The following SPATA13 variants were observed in gnomAD, a reference collection of about 807,000 sequenced individuals.
SPATA13 encodes the protein spermatogenesis associated 13.
A neutral mutation model predicts 104.0 loss-of-function variants in SPATA13; 50 were observed. The ratio of observed to expected loss-of-function variants is 0.48; its 90% CI spans 0.38 to 0.61. The LOEUF is 0.61. Ranked by LOEUF, SPATA13 falls within the 20% of genes least tolerant of loss-of-function variation. The pLI is 0.00. For missense variants in SPATA13, 1,524 were observed against 1,690.6 expected (o/e 0.90, Z 1.73); for synonymous variants, 606 against 667.5 (o/e 0.91, Z 1.42).
At chr13:24,190,882 G>C (rs1869694869) in intron 1 of SPATA13, among the ~76,000 whole-genome samples, 1 of 152,146 alleles carries the variant, frequency 6.6e-6, no homozygotes, top group Admixed American at 6.5e-5. Context: ...TGGGTAAAAT[G>C]CTATCAAACA....
chr13:24,009,948 C>A (rs1452878925), intron 2 of SPATA13, among the ~76,000 whole-genome samples: 1 of 152,112 alleles, frequency 6.6e-6, no homozygotes, highest in Non-Finnish European at 1.5e-5. Context: ...GGGGGGCTTA[C>A]AATTTTATTT....
chr13:24,153,241 A>G (rs1882157041), intron 3 of SPATA13, among the ~76,000 whole-genome samples: 1 of 152,184 alleles, frequency 6.6e-6, no homozygotes, highest in Non-Finnish European at 1.5e-5. Flanking sequence ...AGGGTTTCCA[A>G]TAGGCCCTGG....
chr13:24,056,995 GCTGTTTTCTTTCTCTCTCT>G (rs1878574059), intron 3 of SPATA13, among the ~76,000 whole-genome samples: 1 of 72,128 alleles, frequency 1.4e-5, no homozygotes, highest in Non-Finnish European at 2.7e-5. Context: ...CACATCTGTG[GCTGTTTTCTTTCTCTCTCT>G]CTCTCTCTCT....
intron 2 of SPATA13, among the ~76,000 whole-genome samples, chr13:24,236,230 A>G (rs1002125020): frequency 7.2e-5 from 11 of 152,318 alleles, no homozygotes; most frequent in East Asian, 3.9e-4. Context: ...AATTAAATGC[A>G]TCTACTTCAG....
intron 1 of SPATA13, among the ~76,000 whole-genome samples, chr13:23,980,360 G>T (rs1229284237): frequency 6.6e-6 from 1 of 152,194 alleles, no homozygotes; most frequent in African/African-American, 2.4e-5. Flanking sequence ...AGGAGCCGCG[G>T]GGGAGGCCGA....
Position 24,174,219 on chromosome 13 carries a change from G to A in SPATA13, c.-112+13287G>A, listed in dbSNP as rs187071515. ...GTTTTTAAAGAAAGCGGTCCATTTT[G>A]TTGAAGTTGTCAAGTTGGTGTGTGT... On this transcript the variant is annotated intron_variant, in intron 1 of 12. Coordinates refer to ENST00000382108, the MANE Select transcript of SPATA13 (RefSeq NM_001166271.3). Among the ~76,000 whole-genome samples the A allele has an allele frequency of 1.1e-4, 16 of 152,270 alleles. 1 individual carries two copies. Among genetic ancestry groups the A allele is most frequent in the Admixed American group, 3.3e-4 (5 of 15,298 alleles).
At chr13:24,255,644 A>G (rs1873751971) in intron 4 of SPATA13, among the ~76,000 whole-genome samples, 1 of 152,248 alleles carries the variant, frequency 6.6e-6, no homozygotes, top group African/African-American at 2.4e-5. Flanking sequence ...TAGAGAGATT[A>G]GCAGTACATT....
chr13:24,026,008 T>A (rs1877196459), intron 3 of SPATA13, among the ~76,000 whole-genome samples: 1 of 152,148 alleles, frequency 6.6e-6, no homozygotes, highest in East Asian at 1.9e-4. Flanking sequence ...TTTCACCATG[T>A]TGGTCTGGCT....
chr13:24,170,468 G>A (rs1882923991), intron 1 of SPATA13, among the ~76,000 whole-genome samples: 1 of 152,194 alleles, frequency 6.6e-6, no homozygotes. Flanking sequence ...ATTCTGGGAT[G>A]AGGAATCTCT....
chr13:24,070,091 G>A (rs189405903), intron 3 of SPATA13, among the ~76,000 whole-genome samples: 9 of 152,292 alleles, frequency 5.9e-5, no homozygotes, highest in Admixed American at 5.9e-4. Context: ...TAGCTTGGAC[G>A]GTGTTTCACA....
At chr13:24,090,410 A>C (rs1190028555) in intron 3 of SPATA13, among the ~76,000 whole-genome samples, 1 of 152,000 alleles carries the variant, frequency 6.6e-6, no homozygotes, top group African/African-American at 2.4e-5. Context: ...CCCCGCAAAC[A>C]CCTCAAACAC....
At chr13:24,045,759 G>T (rs1878119970) in intron 3 of SPATA13, among the ~76,000 whole-genome samples, 1 of 152,072 alleles carries the variant, frequency 6.6e-6, no homozygotes, top group South Asian at 2.1e-4. Context: ...AGAGACACAG[G>T]CTGAGCCACA....
chr13:24,154,137 C>A lies in SPATA13; in HGVS notation c.-111-68682C>A, dbSNP rs191593381. On this transcript the variant is annotated intron_variant, in intron 3 of 14. Coordinates refer to the SPATA13 transcript ENST00000424834. The stretch of plus-strand genomic sequence containing the variant: ...GATACAAGCATTTTGAAAAAAAAAG[C>A]TTGGCCGTAGCTACAGAAGGTAAAC... Among the ~76,000 whole-genome samples, 9 of 150,918 alleles carry A rather than the reference C, an allele frequency of 6.0e-5. No individual in the cohort carries two copies. The East Asian group carries it at 1.8e-3, about 30-fold the overall frequency.
rs1877599056 is a variant in SPATA13, at chr13:24,306,703, T to C, written c.*3930T>C. 6.6e-6 allele frequency: 1 copy of C among 152,258 alleles called. No individual in the cohort carries two copies. Among genetic ancestry groups the C allele is most frequent in the Non-Finnish European group, 1.5e-5 (1 of 68,044 alleles). 9.4% of individuals were successfully genotyped at this position (152,258 alleles called of 1,614,324 possible). A position where few individuals can be genotyped will look rare whatever the true frequency, so the allele number is the denominator to read the frequency against. On this transcript the variant is annotated 3_prime_UTR_variant, in exon 13 of 13. Coordinates refer to ENST00000382108, the MANE Select transcript of SPATA13 (RefSeq NM_001166271.3). ...CTACAACATACTTTACATTGTTGCC[T>C]TTAGTTATCTCACAGGCACTGACAT...
chr13:24,108,889 T>C lies in SPATA13; in HGVS notation c.-112+91188T>C, dbSNP rs2137810438. ...ACCTAGTAACACATTTGTATTTGCT[T>C]TGTCTTCCAGAAATGTTTAAAAATC... On this transcript the variant is annotated intron_variant, in intron 3 of 14. Transcript: ENST00000424834. 1.3e-5 allele frequency among the ~76,000 whole-genome samples: 2 copies of C among 152,282 alleles called. 1 individual carries two copies. The highest frequency in any genetic ancestry group is 4.2e-4 in the South Asian group (2 of 4,818).
chr13:24,164,180 T>G (rs541419530), intron 1 of SPATA13, among the ~76,000 whole-genome samples: 1 of 152,338 alleles, frequency 6.6e-6, no homozygotes, highest in East Asian at 1.9e-4. Context: ...AGAAATGCAT[T>G]GGTACAAAGT....
chr13:24,140,025 T>C (rs548844374), intron 3 of SPATA13, among the ~76,000 whole-genome samples: 90 of 148,116 alleles, frequency 6.1e-4, no homozygotes, highest in African/African-American at 2.0e-3. Flanking sequence ...GCCAAGGTCG[T>C]GCCACTGCAC....
chr13:24,157,164 G>A (rs1882280382), upstream of SPATA13, among the ~76,000 whole-genome samples: 1 of 152,278 alleles, frequency 6.6e-6, no homozygotes, highest in African/African-American at 2.4e-5. Flanking sequence ...TCTCCCAGCC[G>A]TAGTCTGGGC....
Position 24,161,559 on chromosome 13 carries a change from G to A in SPATA13, c.-112+627G>A, listed in dbSNP as rs1882495093. ...TTCTGTGCAGGAGGTGGGGGAATTG[G>A]TACTCCAGCCCCAGGCAGGTAGAAG... On this transcript the variant is annotated intron_variant, in intron 1 of 12. Coordinates refer to ENST00000382108, the MANE Select transcript of SPATA13 (RefSeq NM_001166271.3). The surrounding 1 kb of genome is among the most constrained non-coding windows in gnomAD (Gnocchi z 4.5). Among the ~76,000 whole-genome samples, 1 of 152,146 alleles carries A rather than the reference G, an allele frequency of 6.6e-6. No homozygotes were observed. Among genetic ancestry groups the A allele is most frequent in the Non-Finnish European group, 1.5e-5 (1 of 68,032 alleles).
Sources: allele counts gnomAD v4.1 joint callset (sites outside exome capture counted in the v4.1 genomes callset), GRCh38; gene constraint gnomAD v4.1.1; non-coding constraint Gnocchi (gnomAD v3.1); transcripts MANE v1.5; gene names NCBI Gene and HGNC (gene_info 2026-07-23, HGNC 2026-07-21).